The following REDIC1 variants were observed in gnomAD, a reference collection of about 807,000 sequenced individuals.
REDIC1 encodes the protein regulator of DNA class I crossover intermediates 1.
At chr12:39,698,870 A>C in the REDIC1 span, among the ~76,000 whole-genome samples, 4 of 152,212 alleles carry the variant, frequency 2.6e-5, no homozygotes, top group Admixed American at 1.3e-4. Flanking sequence ...TAGCTCTAAA[A>C]GTCTACATCA....
chr12:39,772,981 G>T, the REDIC1 span, among the ~76,000 whole-genome samples: 1 of 152,118 alleles, frequency 6.6e-6, no homozygotes, highest in East Asian at 1.9e-4. Context: ...CATCACACCT[G>T]ACCTTCAAAA....
chr12:39,659,549 T>A, the REDIC1 span, among the ~76,000 whole-genome samples: 22 of 152,162 alleles, frequency 1.4e-4, no homozygotes, highest in African/African-American at 5.1e-4. Flanking sequence ...CCGTGTGGTC[T>A]TATCTGCTGG....
the REDIC1 span, among the ~76,000 whole-genome samples, chr12:39,880,151 C>A: frequency 6.6e-6 from 1 of 152,320 alleles, no homozygotes; most frequent in Non-Finnish European, 1.5e-5. Context: ...AGAAGCTGGG[C>A]AGATGCCAGC....
At chr12:39,870,303 C>T in the REDIC1 span, among the ~76,000 whole-genome samples, 2 of 152,118 alleles carry the variant, frequency 1.3e-5, no homozygotes, top group Admixed American at 6.6e-5. Flanking sequence ...TCTTAGCATT[C>T]ATCTGAAAAT....
chr12:39,832,692 C>G, the REDIC1 span, among the ~76,000 whole-genome samples: 1 of 133,742 alleles, frequency 7.5e-6, no homozygotes, highest in Non-Finnish European at 1.6e-5. Context: ...CTGATGATCA[C>G]CAGTTAACTG....
the REDIC1 span, among the ~76,000 whole-genome samples, chr12:39,713,760 C>A: frequency 2.7e-5 from 4 of 146,794 alleles, no homozygotes; most frequent in African/African-American, 7.5e-5. Flanking sequence ...CATGTATACA[C>A]GTATATATAT....
the REDIC1 span, among the ~76,000 whole-genome samples, chr12:39,807,518 A>C: frequency 6.6e-6 from 1 of 152,318 alleles, no homozygotes; most frequent in South Asian, 2.1e-4. Context: ...CAAAATAAAA[A>C]CACTAATTGA....
chr12:39,712,629 ATG>A, the REDIC1 span, among the ~76,000 whole-genome samples: 1 of 145,550 alleles, frequency 6.9e-6, no homozygotes, highest in African/African-American at 2.5e-5. Flanking sequence ...ATGTGTATAT[ATG>A]TATACACATT....
the REDIC1 span, among the ~76,000 whole-genome samples, chr12:39,768,555 G>T: frequency 6.6e-6 from 1 of 152,056 alleles, no homozygotes; most frequent in South Asian, 2.1e-4. Context: ...CCATTGTAGA[G>T]TTATTAACTG....
At chr12:39,684,821 A>C in the REDIC1 span, 2 of 1,385,920 alleles carry the variant, frequency 1.4e-6, no homozygotes, top group Non-Finnish European at 2.0e-6. Flanking sequence ...AATAATTCCC[A>C]GAGGGAACAC....
At chr12:39,777,793 G>C in the REDIC1 span, among the ~76,000 whole-genome samples, 148,028 of 152,286 alleles carry the variant, frequency 0.97, 71,947 homozygotes, top group East Asian at 1. Flanking sequence ...AGTCGGATGA[G>C]AGCCCAGTCC....
the REDIC1 span, among the ~76,000 whole-genome samples, chr12:39,789,801 C>T: frequency 6.6e-6 from 1 of 152,030 alleles, no homozygotes; most frequent in Non-Finnish European, 1.5e-5. Flanking sequence ...AGAGCTTGAG[C>T]CCCCATTTCA....
the REDIC1 span, among the ~76,000 whole-genome samples, chr12:39,717,971 C>CT: frequency 0.023 from 3,342 of 148,248 alleles, 37 homozygotes; most frequent in African/African-American, 0.035. Flanking sequence ...CACCTTTCAC[C>CT]TTTTTTTTTT....
the REDIC1 span, among the ~76,000 whole-genome samples, chr12:39,807,200 G>A: frequency 2.6e-5 from 4 of 152,216 alleles, no homozygotes. Context: ...TAAGGACAGG[G>A]CCACGTAGGA....
chr12:39,780,085 T>A, the REDIC1 span, among the ~76,000 whole-genome samples: 1 of 152,208 alleles, frequency 6.6e-6, no homozygotes, highest in African/African-American at 2.4e-5. Context: ...CCTCATTTGA[T>A]GAAATTGACT....
chr12:39,856,367 A>ATTTCT, the REDIC1 span, among the ~76,000 whole-genome samples: 4 of 151,972 alleles, frequency 2.6e-5, no homozygotes, highest in African/African-American at 9.7e-5. Context: ...GCTTTATTTT[A>ATTTCT]TTTATTTTAT....
At chr12:39,647,695 T>C in the REDIC1 span, 1 of 902,968 alleles carries the variant, frequency 1.1e-6, no homozygotes. Flanking sequence ...TTGTAACCCC[T>C]GCCCTTTTCA....
the REDIC1 span, among the ~76,000 whole-genome samples, chr12:39,747,801 C>T: frequency 6.6e-6 from 1 of 152,130 alleles, no homozygotes; most frequent in Non-Finnish European, 1.5e-5. Context: ...GAATTTTCAA[C>T]CCAGAATTTC....
chr12:39,631,856 A>G, the REDIC1 span, among the ~76,000 whole-genome samples: 2 of 152,178 alleles, frequency 1.3e-5, no homozygotes, highest in African/African-American at 4.8e-5. Context: ...TAAGGAATCA[A>G]TACTGAAAAA....
Sources: gnomAD v4.1 joint callset for allele counts (sites outside exome capture counted in the v4.1 genomes callset) on GRCh38, gnomAD v4.1.1 for gene constraint, MANE v1.5 for transcripts, NCBI Gene and HGNC (gene_info 2026-07-23, HGNC 2026-07-21) for gene names.